Variants in SLC38A12 observed in about 807,000 individuals in gnomAD.
SLC38A12 encodes solute carrier family 38 member 12.
chr17:74,825,212 C>T, the SLC38A12 span, among the ~76,000 whole-genome samples: 8 of 152,248 alleles, frequency 5.3e-5, no homozygotes, highest in Admixed American at 1.3e-4. Flanking sequence ...CAGCCCTGCA[C>T]GGCCCAGGTC....
At chr17:74,825,214 G>A in the SLC38A12 span, among the ~76,000 whole-genome samples, 127 of 152,308 alleles carry the variant, frequency 8.3e-4, no homozygotes, top group African/African-American at 2.8e-3. Flanking sequence ...GCCCTGCACG[G>A]CCCAGGTCTC....
the SLC38A12 span, among the ~76,000 whole-genome samples, chr17:74,799,069 C>T: frequency 2.0e-5 from 3 of 152,290 alleles, no homozygotes; most frequent in South Asian, 4.1e-4. Flanking sequence ...ACCTTTGTTG[C>T]ACTTCCTTAT....
the SLC38A12 span, among the ~76,000 whole-genome samples, chr17:74,829,150 G>T: frequency 3.9e-5 from 6 of 152,014 alleles, no homozygotes; most frequent in African/African-American, 1.5e-4. The surrounding 1 kb of genome is among the most constrained non-coding windows in gnomAD (Gnocchi z 4.1). Flanking sequence ...TTGAGACAGA[G>T]TCTCGCTCTG....
At chr17:74,837,406 A>G in the SLC38A12 span, 5 of 985,464 alleles carry the variant, frequency 5.1e-6, no homozygotes, top group African/African-American at 3.5e-5. Context: ...AGCTGGGCCT[A>G]AAGTCTGGAG....
chr17:74,804,508 AATG>A, the SLC38A12 span, among the ~76,000 whole-genome samples: 1 of 152,250 alleles, frequency 6.6e-6, no homozygotes, highest in Non-Finnish European at 1.5e-5. Context: ...GGTGCACATT[AATG>A]ATGATATCGG....
At chr17:74,806,261 G>A in the SLC38A12 span, among the ~76,000 whole-genome samples, 3 of 152,086 alleles carry the variant, frequency 2.0e-5, no homozygotes, top group Non-Finnish European at 4.4e-5. Flanking sequence ...TGGTAGCCCA[G>A]CCCCCAGCAG....
the SLC38A12 span, among the ~76,000 whole-genome samples, chr17:74,813,752 T>C: frequency 2.0e-5 from 3 of 151,954 alleles, no homozygotes; most frequent in Non-Finnish European, 2.9e-5. Context: ...CTGCCCGCCT[T>C]GGCCTCCCAA....
the SLC38A12 span, among the ~76,000 whole-genome samples, chr17:74,797,581 G>T: frequency 6.6e-6 from 1 of 152,204 alleles, no homozygotes; most frequent in African/African-American, 2.4e-5. Flanking sequence ...AATCAAGGCA[G>T]ATGGGCCTTG....
At chr17:74,782,662 G>A in the SLC38A12 span, among the ~76,000 whole-genome samples, 9 of 152,220 alleles carry the variant, frequency 5.9e-5, no homozygotes, top group African/African-American at 2.2e-4. Context: ...CCAGCAATGG[G>A]CTGTGTGTCC....
At chr17:74,804,801 C>G in the SLC38A12 span, among the ~76,000 whole-genome samples, 1 of 152,232 alleles carries the variant, frequency 6.6e-6, no homozygotes, top group South Asian at 2.1e-4. Flanking sequence ...GGCCGGGAGG[C>G]CCCTGCGGTC....
chr17:74,792,533 A>G, the SLC38A12 span, among the ~76,000 whole-genome samples: 1 of 152,176 alleles, frequency 6.6e-6, no homozygotes, highest in Non-Finnish European at 1.5e-5. Context: ...AGTCAGTCAC[A>G]TTCTCAGTTC....
At chr17:74,827,345 G>T in the SLC38A12 span, among the ~76,000 whole-genome samples, 1 of 150,306 alleles carries the variant, frequency 6.7e-6, no homozygotes, top group African/African-American at 2.5e-5. This position sits in a 1 kb window ranked among gnomAD's most constrained non-coding sequence, Gnocchi z 4.7. Context: ...GCCCACACTG[G>T]AGTGCAGCAG....
chr17:74,806,930 C>T, the SLC38A12 span, among the ~76,000 whole-genome samples: 95 of 152,334 alleles, frequency 6.2e-4, 1 homozygote, highest in African/African-American at 2.0e-3. Flanking sequence ...CGCCTCACAG[C>T]AGAACTGCCC....
chr17:74,777,357 G>A, the SLC38A12 span: 3 of 1,614,230 alleles, frequency 1.9e-6, no homozygotes, highest in Non-Finnish European at 1.7e-6. Context: ...CAGAGACCGG[G>A]GAACTCTACT....
At chr17:74,833,703 C>A in the SLC38A12 span, among the ~76,000 whole-genome samples, 1 of 152,162 alleles carries the variant, frequency 6.6e-6, no homozygotes, top group Non-Finnish European at 1.5e-5. Flanking sequence ...GGCCCAGGGC[C>A]GAGTGACAGA....
the SLC38A12 span, among the ~76,000 whole-genome samples, chr17:74,792,671 A>T: frequency 4.6e-5 from 7 of 152,030 alleles, no homozygotes; most frequent in Non-Finnish European, 1.0e-4. Context: ...AGCCGGGGGG[A>T]CTGTAGGAAC....
chr17:74,831,222 G>A, the SLC38A12 span, among the ~76,000 whole-genome samples: 3,760 of 152,266 alleles, frequency 0.025, 76 homozygotes, highest in Middle Eastern at 0.041. Flanking sequence ...TAACCAGCCC[G>A]TTCTTTGGTT....
the SLC38A12 span, among the ~76,000 whole-genome samples, chr17:74,803,547 G>A: frequency 2.4e-4 from 37 of 152,176 alleles, 1 homozygote; most frequent in Admixed American, 2.4e-3. Flanking sequence ...TTTCAGGACC[G>A]TTTCTTTGCA....
the SLC38A12 span, chr17:74,795,100 G>T: frequency 2.5e-6 from 4 of 1,614,078 alleles, no homozygotes; most frequent in South Asian, 1.1e-5. Flanking sequence ...TCTCCCTCAT[G>T]CAGGTGACCT....
Sources: gnomAD v4.1 joint callset for allele counts (sites outside exome capture counted in the v4.1 genomes callset) on GRCh38, gnomAD v4.1.1 for gene constraint, Gnocchi (gnomAD v3.1) non-coding constraint, MANE v1.5 for transcripts, NCBI Gene and HGNC (gene_info 2026-07-23, HGNC 2026-07-21) for gene names.